The following CIB1 variants were observed in gnomAD, a reference collection of about 807,000 sequenced individuals.
The protein encoded by CIB1 is calcium and integrin-binding protein 1.
In CIB1, 19 loss-of-function variants were observed where a neutral mutation model predicts 25.0. That is an observed-to-expected ratio of 0.76 (90% CI 0.53 to 1.12). The LOEUF (loss-of-function observed/expected upper bound fraction) is 1.12. CIB1 is among the 50% of genes most tolerant of loss of function. The pLI is 0.00. For synonymous variants in CIB1, 104 were observed against 98.5 expected (o/e 1.06, Z -0.33); for missense variants, 236 against 242.6 (o/e 0.97, Z 0.18).
chr15:90,233,053 C>A (rs1409833891), intron 2 of CIB1, among the ~76,000 whole-genome samples: 2 of 152,214 alleles, frequency 1.3e-5, no homozygotes, highest in Non-Finnish European at 2.9e-5. Flanking sequence ...TCGGCCTCCA[C>A]CTCCTTCCCA....
the CIB1 span, among the ~76,000 whole-genome samples, chr15:90,247,276 TTTTTC>T: frequency 0.045 from 6,739 of 149,812 alleles, 654 homozygotes; most frequent in African/African-American, 0.16. Flanking sequence ...ACTGGCCTTT[TTTTTC>T]TTTTCTTTTC....
the CIB1 span, among the ~76,000 whole-genome samples, chr15:90,250,087 A>AGC: frequency 6.6e-6 from 1 of 151,614 alleles, no homozygotes; most frequent in Non-Finnish European, 1.5e-5. Context: ...CCTCCCGAGT[A>AGC]GCTGGGATTA....
the CIB1 span, among the ~76,000 whole-genome samples, chr15:90,254,188 G>GTTGTT: frequency 5.8e-5 from 6 of 104,040 alleles, no homozygotes; most frequent in African/African-American, 2.9e-4. Context: ...GTGAGACCCT[G>GTTGTT]TTTTTTTTTT....
chr15:90,256,265 G>A, the CIB1 span: 4 of 1,614,090 alleles, frequency 2.5e-6, no homozygotes, highest in African/African-American at 4.0e-5. Flanking sequence ...CAAGCCAGGA[G>A]AGCATATGAT....
At chr15:90,259,943 C>T in the CIB1 span, among the ~76,000 whole-genome samples, 4 of 152,280 alleles carry the variant, frequency 2.6e-5, no homozygotes, top group African/African-American at 7.2e-5. Flanking sequence ...ATTGCTCTTC[C>T]CACTTACATT....
chr15:90,240,033 G>C, the CIB1 span, among the ~76,000 whole-genome samples: 1 of 152,134 alleles, frequency 6.6e-6, no homozygotes. Flanking sequence ...AGACCAGCCA[G>C]ACCAACATGG....
Position 90,233,852 on chromosome 15 carries a change from G to A in CIB1, c.34C>T (p.Leu12=). The A allele has an allele frequency of 6.5e-7, 1 of 1,532,982 alleles. No individual in the cohort carries two copies. Among genetic ancestry groups the A allele is most frequent in the East Asian group, 2.4e-5 (1 of 40,886 alleles). 95.0% of individuals were successfully genotyped at this position (1,532,982 alleles called of 1,614,324 possible). A position where few individuals can be genotyped will look rare whatever the true frequency, so the allele number is the denominator to read the frequency against. ...GGSGSRLSKE[L]LAEYQDLTFL... is the part of the protein sequence containing the mutation. ...CCGCGCACCTGGTACTCGGCCAGCA[G>A]CTCCTTGGACAGGCGACTGCCCGAG... Residue 12 remains leucine, a synonymous_variant, in exon 1 of 7, where the codon CTG becomes TTG. Coordinates refer to ENST00000328649, the MANE Select transcript of CIB1 (RefSeq NM_006384.4).
chr15:90,265,207 C>G, the CIB1 span: 1 of 1,356,750 alleles, frequency 7.4e-7, no homozygotes, highest in Non-Finnish European at 9.5e-7. Context: ...GTACTCATTT[C>G]TGCTCATCAA....
chr15:90,239,200 T>C, the CIB1 span, among the ~76,000 whole-genome samples: 8 of 152,272 alleles, frequency 5.3e-5, no homozygotes, highest in East Asian at 1.2e-3. Flanking sequence ...TTAGGCATTA[T>C]AACAAAGGGT....
chr15:90,256,150 C>A, the CIB1 span: 3 of 1,614,218 alleles, frequency 1.9e-6, no homozygotes, highest in African/African-American at 4.0e-5. Flanking sequence ...GCTATGGGGA[C>A]TTCCAGTCCT....
chr15:90,241,676 C>G, the CIB1 span: 1 of 1,614,224 alleles, frequency 6.2e-7, no homozygotes, highest in South Asian at 1.1e-5. Flanking sequence ...CTGGCTTCCT[C>G]TTTTACACTC....
chr15:90,253,544 G>A, the CIB1 span, among the ~76,000 whole-genome samples: 4 of 152,184 alleles, frequency 2.6e-5, no homozygotes, highest in East Asian at 7.7e-4. Context: ...GGAGATTGTG[G>A]GTTTCTGGAA....
chr15:90,256,557 CTTTCTT>C, the CIB1 span, among the ~76,000 whole-genome samples: 3 of 37,446 alleles, frequency 8.0e-5, no homozygotes, highest in Non-Finnish European at 1.6e-4. Flanking sequence ...TTCTTTCTTT[CTTTCTT>C]TCTTTCTTTC....
chr15:90,232,726 G>C (rs932939760), intron 2 of CIB1, among the ~76,000 whole-genome samples: 2 of 152,066 alleles, frequency 1.3e-5, no homozygotes, highest in African/African-American at 4.8e-5. Flanking sequence ...GAGCAACATG[G>C]TGAACCCCTT....
At chr15:90,262,625 C>G in the CIB1 span, 68 of 1,522,230 alleles carry the variant, frequency 4.5e-5, no homozygotes, top group Non-Finnish European at 5.9e-5. Flanking sequence ...GCTCCAGAGC[C>G]TTTCCACCCA....
At chr15:90,255,920 G>A in the CIB1 span, 2 of 1,613,634 alleles carry the variant, frequency 1.2e-6, no homozygotes, top group Non-Finnish European at 1.7e-6. Flanking sequence ...TGAGATACCA[G>A]GGGGAGGAAA....
chr15:90,231,449 C>T lies in CIB1; in HGVS notation c.254G>A (p.Ser85Asn), dbSNP rs1567068754. The T allele has an allele frequency of 1.9e-6, 3 of 1,614,226 alleles. No homozygotes were observed. Among genetic ancestry groups the T allele is most frequent in the Non-Finnish European group, 1.7e-6 (2 of 1,180,036 alleles). ...ATCCAGGAAGTCCTCAAAGCTAAGG[C>T]TGTCTTTGGCTGGGGATGTGGAGAA... Reference protein sequence around the residue: ...RVFSTSPAKDSLSFEDFLDLL... With the variant: ...RVFSTSPAKDNLSFEDFLDLL... Residue 85 changes from serine to asparagine, a missense_variant, in exon 4 of 7, where the codon AGC becomes AAC. By Grantham distance (46) the Ser-to-Asn change is conservative (BLOSUM62 1). Coordinates refer to ENST00000328649, the MANE Select transcript of CIB1 (RefSeq NM_006384.4).
upstream of CIB1, among the ~76,000 whole-genome samples, chr15:90,238,227 G>C (rs897404635): frequency 1.3e-5 from 2 of 152,186 alleles, no homozygotes; most frequent in African/African-American, 4.8e-5. Flanking sequence ...TTGAACCTGG[G>C]TGGTGGAGGT....
At chr15:90,265,100 A>T in the CIB1 span, 2 of 1,271,524 alleles carry the variant, frequency 1.6e-6, no homozygotes, top group Non-Finnish European at 2.1e-6. Context: ...CCATTTGTAT[A>T]AGGCAAAATA....
Sources: allele counts gnomAD v4.1 joint callset (sites outside exome capture counted in the v4.1 genomes callset), GRCh38; gene constraint gnomAD v4.1.1; transcripts MANE v1.5; gene names NCBI Gene and HGNC (gene_info 2026-07-23, HGNC 2026-07-21).